Variants in RPGRIP1 observed in about 807,000 individuals in gnomAD.
The protein encoded by RPGRIP1 is X-linked retinitis pigmentosa GTPase regulator-interacting protein 1.
A neutral mutation model predicts 157.9 loss-of-function variants in RPGRIP1; 128 were observed. That is an observed-to-expected ratio of 0.81 (90% CI 0.70 to 0.94). The LOEUF is 0.94. Among genes scored for constraint, RPGRIP1 ranks in the 40% least tolerant of loss-of-function variants. The pLI is 0.00. For missense variants in RPGRIP1, 1,486 were observed against 1,545.8 expected, an observed-to-expected ratio of 0.96 and a Z score of 0.65; for synonymous variants, 554 against 571.6, an observed-to-expected ratio of 0.97 and a Z score of 0.44.
At chr14:21,320,740 C>G (rs1882363464) in intron 12 of RPGRIP1, among the ~76,000 whole-genome samples, 1 of 151,530 alleles carries the variant, frequency 6.6e-6, no homozygotes, top group Non-Finnish European at 1.5e-5. Context: ...GCTGGGATTA[C>G]AGGTGCTTGC....
chr14:21,321,903 A>G lies in RPGRIP1; in HGVS notation c.1661A>G (p.His554Arg), dbSNP rs1185098858. Residue 554 changes from histidine to arginine, a missense_variant, in exon 14 of 25, where the codon CAC (histidine) becomes CGC (arginine). Physicochemically the swap from His to Arg is conservative, Grantham distance 29. Transcript: ENST00000400017. ...AAAGCTGACAATGATAATAGAGATC[A>G]CAAAGAAAAGCTGGAGAGGTTGACT... is the stretch of plus-strand genomic sequence containing the variant. ...MTKADNDNRDHKEKLERLTRL... is the reference protein window; with the variant it reads ...MTKADNDNRDRKEKLERLTRL... 1 of 1,613,666 alleles carries G rather than the reference A, an allele frequency of 6.2e-7. No individual in the cohort carries two copies. Among genetic ancestry groups the G allele is most frequent in the East Asian group, 2.2e-5 (1 of 44,882 alleles).
chr14:21,345,461 G>T (rs1357989327), intron 23 of RPGRIP1, among the ~76,000 whole-genome samples: 3 of 152,014 alleles, frequency 2.0e-5, no homozygotes, highest in Non-Finnish European at 4.4e-5. Context: ...GAGTGCAGTG[G>T]TGCGATCTTG....
intron 1 of RPGRIP1, among the ~76,000 whole-genome samples, chr14:21,283,126 T>C (rs1394748824): frequency 2.0e-5 from 3 of 152,122 alleles, no homozygotes; most frequent in African/African-American, 7.2e-5. Flanking sequence ...GGCCCAGATA[T>C]TAAGAACAAC....
At position 21,330,298 on chromosome 14, in the gene RPGRIP1, G is replaced by A. The variant is rs766701403; in HGVS notation, c.3149G>A (p.Gly1050Asp). The stretch of plus-strand genomic sequence containing the variant: ...TTCTCAGAGACTAACAGCTTCATAG[G>A]TGATGGCTTTAAAAATCAGCACGAG... ...WKFSETNSFI[G>D]DGFKNQHEEE... The change falls in exon 20 of 25, where the codon GGT becomes GAT. Residue 1050 changes from glycine (G) to aspartate (D), a missense_variant. By Grantham distance (94) the Gly-to-Asp change is moderately conservative. Coordinates refer to ENST00000400017, the MANE Select transcript of RPGRIP1 (RefSeq NM_020366.4). 1.3e-6 allele frequency: 2 copies of A among 1,581,502 alleles called. No homozygotes were observed. The highest frequency in any genetic ancestry group is 8.6e-7 in the Non-Finnish European group (1 of 1,166,756).
At chr14:21,288,972 G>A (rs1441454408) in intron 2 of RPGRIP1, among the ~76,000 whole-genome samples, 1 of 152,152 alleles carries the variant, frequency 6.6e-6, no homozygotes, top group Admixed American at 6.6e-5. Context: ...TCACTAAGCA[G>A]AAGTGTTCAA....
At chr14:21,343,664 G>A (rs978471037) in intron 22 of RPGRIP1, among the ~76,000 whole-genome samples, 1 of 151,692 alleles carries the variant, frequency 6.6e-6, no homozygotes, top group Non-Finnish European at 1.5e-5. Context: ...CTAGTTTTTT[G>A]TGTTTTTAGT....
At position 21,325,318 on chromosome 14, in the gene RPGRIP1, C is replaced by T. The variant is rs75459701; in HGVS notation, c.2302C>T (p.Arg768Ter). The change falls in exon 16 of 25, where the codon CGA (arginine) becomes TGA (stop). Residue 768 changes from arginine to a stop codon, truncating the protein, a stop_gained. Coordinates refer to ENST00000400017, the MANE Select transcript of RPGRIP1 (RefSeq NM_020366.4). LOFTEE classifies it high-confidence loss of function. The stretch of plus-strand genomic sequence containing the variant: ...ACCCAGCCTACAGGCGTGCAATAAA[C>T]GAAAGAAAGCCCAGGTCTACCTGTC... ...IKPSLQACNK[R>*]KKAQVYLSTD... 78 of 1,608,760 alleles carry T rather than the reference C, an allele frequency of 4.8e-5. No individual in the cohort carries two copies. Among genetic ancestry groups the T allele is most frequent in the Non-Finnish European group, 5.8e-5 (68 of 1,177,526 alleles).
At chr14:21,311,347 T>A (rs1332846276) in intron 8 of RPGRIP1, among the ~76,000 whole-genome samples, 2 of 151,866 alleles carry the variant, frequency 1.3e-5, no homozygotes, top group Non-Finnish European at 2.9e-5. Flanking sequence ...AGGTCAGGAG[T>A]TCGAGACCAG....
Position 21,321,954 on chromosome 14 carries a change from G to A in RPGRIP1, c.1712G>A (p.Arg571His), listed in dbSNP as rs766914894. 1.2e-5 allele frequency: 20 copies of A among 1,613,478 alleles called. No homozygotes were observed. The highest frequency in any genetic ancestry group is 4.0e-5 in the African/African-American group (3 of 74,890). ...CGACTACTAGACCTCAAGAATAACC[G>A]TATCAAGCAGCTGGAAGGTATTTTA... Reference protein sequence around the residue: ...LTRLLDLKNNRIKQLEGILRS... With the variant: ...LTRLLDLKNNHIKQLEGILRS... Residue 571 changes from arginine (R) to histidine (H), a missense_variant, in exon 14 of 25, where the codon CGT becomes CAT. Transcript: ENST00000400017.
chr14:21,303,199 A>G, intron 5 of RPGRIP1, 132 bp from the exon 6 acceptor site: 1 of 660,376 alleles, frequency 1.5e-6, no homozygotes, highest in Non-Finnish European at 2.5e-6. Flanking sequence ...TTGACATTTG[A>G]AAGCTGTATT....
At position 21,313,595 on chromosome 14, in the gene RPGRIP1, C is replaced by G. The variant is rs1001842123; in HGVS notation, c.1151+1089C>G. 6.8e-4 allele frequency among the ~76,000 whole-genome samples: 104 copies of G among 151,988 alleles called. 1 individual carries two copies. Among genetic ancestry groups the G allele is most frequent in the Non-Finnish European group, 1.5e-4 (10 of 67,996 alleles). On this transcript the variant is annotated intron_variant, in intron 10 of 24. Transcript: ENST00000400017. Reference sequence around the variant, plus strand: ...ACGAGGTCAGGAGTTAGAGACCAGCCTGACCAACATGATGAAGCCCTGTGT... The same window carrying G: ...ACGAGGTCAGGAGTTAGAGACCAGCGTGACCAACATGATGAAGCCCTGTGT...
chr14:21,324,431 T>C, intron 14 of RPGRIP1, 187 bp from the exon 15 acceptor site: 1 of 625,168 alleles, frequency 1.6e-6, no homozygotes, highest in Non-Finnish European at 2.8e-6. Context: ...ATTGGATTAT[T>C]TGGCTATCGG....
chr14:21,319,454 C>T (rs897523114), intron 11 of RPGRIP1, among the ~76,000 whole-genome samples: 8 of 152,126 alleles, frequency 5.3e-5, no homozygotes, highest in African/African-American at 1.9e-4. Context: ...ACCAGCTACT[C>T]AGGAGGCTGA....
intron 1 of RPGRIP1, among the ~76,000 whole-genome samples, chr14:21,284,540 A>AT (rs67923336): frequency 0.8 from 104,437 of 130,364 alleles, 42,499 homozygotes; most frequent in African/African-American, 0.9. Context: ...GGAGAACTAA[A>AT]TTTTTTTTTT....
intron 14 of RPGRIP1, 139 bp from the exon 15 acceptor site, chr14:21,324,472 CTTTTCCT>C (rs1377057033): frequency 1.4e-6 from 1 of 720,540 alleles, no homozygotes; most frequent in Non-Finnish European, 2.4e-6. Context: ...CCTTCTGTTG[CTTTTCCT>C]TTTGAATCAC....
Position 21,345,185 on chromosome 14 carries a change from C to A in RPGRIP1, c.3605C>A (p.Pro1202His). ...TTCGACATGCTGAATGGACAAGATC[C>A]TGATCAAGGACAGTAAGCATCTGCT... The part of the protein sequence containing the change: ...FLFDMLNGQD[P>H]DQGHLKFTVV... Residue 1202 changes from proline to histidine, a missense_variant, in exon 23 of 25, where the codon CCT becomes CAT. Transcript: ENST00000400017. 6.2e-7 allele frequency: 1 copy of A among 1,612,264 alleles called. No individual in the cohort carries two copies. The highest frequency in any genetic ancestry group is 8.5e-7 in the Non-Finnish European group (1 of 1,178,586).
chr14:21,335,806 C>CAAAAAAA (rs536624884), intron 21 of RPGRIP1, among the ~76,000 whole-genome samples: 1 of 149,908 alleles, frequency 6.7e-6, no homozygotes, highest in African/African-American at 2.5e-5. Context: ...GACTACGTCT[C>CAAAAAAA]AAAAAAAAGA....
chr14:21,303,661 A>C, intron 6 of RPGRIP1, 118 bp downstream of exon 6: 1 of 764,224 alleles, frequency 1.3e-6, no homozygotes, highest in Non-Finnish European at 2.1e-6. Flanking sequence ...ATTCAATCGG[A>C]GTAGTAGACA....
intron 1 of RPGRIP1, 113 bp from the exon 2 acceptor site, chr14:21,287,826 C>G: frequency 3.6e-6 from 2 of 555,614 alleles, no homozygotes; most frequent in South Asian, 5.9e-5. Context: ...ATGACTCTGA[C>G]ATGTCATATA....
Sources: gnomAD v4.1 joint callset for allele counts (sites outside exome capture counted in the v4.1 genomes callset) on GRCh38, gnomAD v4.1.1 for gene constraint, MANE v1.5 for transcripts, NCBI Gene and HGNC (gene_info 2026-07-23, HGNC 2026-07-21) for gene names.